SGK3: variants seen among roughly 807,000 people sequenced by gnomAD.
SGK3 encodes the protein serine/threonine-protein kinase Sgk3.
A neutral mutation model predicts 68.5 loss-of-function variants in SGK3; 47 were observed. The observed-to-expected ratio is 0.69, with a 90% CI of 0.54 to 0.87. SGK3 has a LOEUF of 0.87. Ranked by LOEUF, SGK3 falls within the 40% of genes least tolerant of loss-of-function variation. SGK3 has a pLI of 0.00. For synonymous variants in SGK3, 181 were observed against 189.1 expected, an observed-to-expected ratio of 0.96 and a Z score of 0.35; for missense variants, 479 against 575.5, an observed-to-expected ratio of 0.83 and a Z score of 1.72.
intron 1 of SGK3, among the ~76,000 whole-genome samples, chr8:66,740,948 T>C (rs1045302510): frequency 1.4e-5 from 2 of 140,484 alleles, no homozygotes; most frequent in East Asian, 4.1e-4. Context: ...TGAAGAACAA[T>C]GGAGGAAAAA....
intron 6 of SGK3, among the ~76,000 whole-genome samples, chr8:66,822,901 A>C (rs780803697): frequency 2.6e-5 from 4 of 152,198 alleles, no homozygotes; most frequent in Non-Finnish European, 5.9e-5. Flanking sequence ...GATTACAGGC[A>C]TGAACCACTG....
intron 8 of SGK3, 151 bp from the exon 9 acceptor site, chr8:66,835,612 A>G (rs1809490579): frequency 1.2e-6 from 1 of 810,442 alleles, no homozygotes; most frequent in Non-Finnish European, 1.8e-6. Context: ...AAGGTGCCTG[A>G]TTACTTGATT....
intron 3 of SGK3, among the ~76,000 whole-genome samples, chr8:66,799,489 A>C (rs568846831): frequency 6.6e-6 from 1 of 152,354 alleles, no homozygotes; most frequent in East Asian, 1.9e-4. Context: ...TGAAGATCAT[A>C]CGTAGAAGCT....
intron 1 of SGK3, among the ~76,000 whole-genome samples, chr8:66,772,091 G>T (rs2130491550): frequency 1.4e-3 from 1 of 724 alleles, no homozygotes; most frequent in Non-Finnish European, 3.0e-3. Context: ...TTAAGATACT[G>T]AATTTTTTTT....
intron 1 of SGK3, among the ~76,000 whole-genome samples, chr8:66,777,786 C>T (rs1806770786): frequency 6.6e-6 from 1 of 152,234 alleles, no homozygotes; most frequent in Non-Finnish European, 1.5e-5. Context: ...CTTTTACAGT[C>T]TGTATCTCCT....
chr8:66,746,792 C>T (rs1805666997), intron 1 of SGK3, among the ~76,000 whole-genome samples: 2 of 151,898 alleles, frequency 1.3e-5, no homozygotes, highest in African/African-American at 4.8e-5. Flanking sequence ...AACTCCTGGC[C>T]TCAAGTGATC....
At chr8:66,835,607 G>T (rs971309395) in intron 8 of SGK3, among the ~76,000 whole-genome samples, 156 bp from the exon 9 acceptor site, 1 of 152,152 alleles carries the variant, frequency 6.6e-6, no homozygotes. Flanking sequence ...AAGAAAAGGT[G>T]CCTGATTACT....
intron 14 of SGK3, among the ~76,000 whole-genome samples, chr8:66,844,102 C>G (rs914356122): frequency 2.6e-5 from 4 of 151,738 alleles, no homozygotes; most frequent in Non-Finnish European, 5.9e-5. Context: ...TGTTCTTACC[C>G]CCTTGGCATT....
intron 1 of SGK3, among the ~76,000 whole-genome samples, chr8:66,717,743 G>A (rs879329688): frequency 1.2e-4 from 19 of 152,016 alleles, no homozygotes; most frequent in Admixed American, 1.2e-3. Context: ...TCGCTGTCTT[G>A]CCCGGGCTGG....
intron 14 of SGK3, 142 bp from the exon 15 acceptor site, chr8:66,847,051 A>C: frequency 8.5e-7 from 1 of 1,169,724 alleles, no homozygotes; most frequent in African/African-American, 1.5e-5. Flanking sequence ...TGCTTCAGGA[A>C]GCCACACTGC....
At chr8:66,817,299 C>T (rs1272967472) in intron 5 of SGK3, among the ~76,000 whole-genome samples, 1 of 151,878 alleles carries the variant, frequency 6.6e-6, no homozygotes, top group East Asian at 2.0e-4. Flanking sequence ...GGCATGGTGG[C>T]CTGTGCCTGT....
intron 1 of SGK3, among the ~76,000 whole-genome samples, chr8:66,734,248 T>G (rs1805251725): frequency 6.9e-6 from 1 of 145,268 alleles, no homozygotes; most frequent in South Asian, 2.1e-4. Flanking sequence ...TTTTTTTTTT[T>G]TACCATTTTG....
chr8:66,719,241 C>G (rs574023631), intron 1 of SGK3, among the ~76,000 whole-genome samples: 11 of 151,808 alleles, frequency 7.2e-5, no homozygotes, highest in African/African-American at 2.4e-4. Flanking sequence ...ATTTGTGTAT[C>G]TATATATGTA....
In SGK3 at chr8:66,771,508, T is replaced by G. The variant is rs1436710915; in HGVS notation, c.-121-22108T>G. On this transcript the variant is annotated intron_variant, in intron 1 of 16. Coordinates refer to ENST00000521198, the MANE Select transcript of SGK3 (RefSeq NM_001033578.3). ...AAGGAAAATTTACTCTCTAAAGACC[T>G]TAATAGGACATAGAGCTTGCTAACA... 3.3e-5 allele frequency among the ~76,000 whole-genome samples: 5 copies of G among 152,216 alleles called. No homozygotes were observed. The East Asian group carries it at 9.6e-4, about 29-fold the overall frequency.
At chr8:66,718,771 G>A (rs188577819) in intron 1 of SGK3, among the ~76,000 whole-genome samples, 10 of 151,798 alleles carry the variant, frequency 6.6e-5, no homozygotes, top group East Asian at 1.9e-4. Flanking sequence ...CAGATAATCC[G>A]CCCACCTCAG....
intron 1 of SGK3, among the ~76,000 whole-genome samples, chr8:66,725,604 C>T (rs1005976961): frequency 2.0e-5 from 3 of 151,566 alleles, no homozygotes; most frequent in African/African-American, 7.3e-5. Flanking sequence ...GTTCTTTTTC[C>T]ATATAAAGTC....
chr8:66,741,203 G>A (rs930932703), intron 1 of SGK3, among the ~76,000 whole-genome samples: 22 of 152,144 alleles, frequency 1.4e-4, no homozygotes, highest in Non-Finnish European at 3.2e-4. Context: ...CTTTCTTAGA[G>A]CAGATTTTGA....
intron 1 of SGK3, among the ~76,000 whole-genome samples, chr8:66,788,672 AC>A (rs1399928552): frequency 6.6e-6 from 1 of 151,940 alleles, no homozygotes; most frequent in Non-Finnish European, 1.5e-5. Flanking sequence ...TATTTGTTTT[AC>A]CTCTTTCTCA....
chr8:66,768,050 A>G, intron 1 of SGK3: 1 of 606,178 alleles, frequency 1.6e-6, no homozygotes, highest in Non-Finnish European at 3.0e-6. Flanking sequence ...ATATATCTTT[A>G]ATTTATTACA....
Sources: gnomAD v4.1 joint callset for allele counts (sites outside exome capture counted in the v4.1 genomes callset) on GRCh38, gnomAD v4.1.1 for gene constraint, MANE v1.5 for transcripts, NCBI Gene and HGNC (gene_info 2026-07-23, HGNC 2026-07-21) for gene names.